The following C2orf92 variants were observed in gnomAD, a reference collection of about 807,000 sequenced individuals.
The protein encoded by C2orf92 is chromosome 2 open reading frame 92.
chr2:97,666,461 C>G (rs1459958028), upstream of C2orf92, among the ~76,000 whole-genome samples: 1 of 144,098 alleles, frequency 6.9e-6, no homozygotes, highest in East Asian at 2.0e-4. Context: ...CGCTTGAACC[C>G]AGGAGGCGGA....
At chr2:97,684,324 C>G (rs1363910560) in intron 3 of C2orf92, among the ~76,000 whole-genome samples, 1 of 152,098 alleles carries the variant, frequency 6.6e-6, no homozygotes, top group Non-Finnish European at 1.5e-5. Flanking sequence ...CATGAGCCAC[C>G]GTGCCCGGCC....
chr2:97,665,890 G>GCCTCA (rs1675217032), upstream of C2orf92: 1 of 151,436 alleles, frequency 6.6e-6, no homozygotes, highest in African/African-American at 2.4e-5. Context: ...CTATCCTCCT[G>GCCTCA]CCTCAGCCTT....
intron 3 of C2orf92, among the ~76,000 whole-genome samples, chr2:97,679,056 T>G (rs953853309): frequency 1.3e-5 from 2 of 149,888 alleles, no homozygotes. Context: ...CTTTCCAGAA[T>G]AAAAGAGAAA....
At chr2:97,692,407 CTT>C (rs755849117) in intron 5 of C2orf92, among the ~76,000 whole-genome samples, 10 of 119,346 alleles carry the variant, frequency 8.4e-5, no homozygotes, top group African/African-American at 2.3e-4. Flanking sequence ...AGTTTTACTT[CTT>C]TTTTTTTTTT....
chr2:97,699,496 G>T (rs1341807126), intron 6 of C2orf92, among the ~76,000 whole-genome samples: 1 of 152,110 alleles, frequency 6.6e-6, no homozygotes, highest in African/African-American at 2.4e-5. Context: ...CAGCTACTCG[G>T]GAGGCTGAGG....
rs1233638372 is a variant in C2orf92 at position 97,688,936 on chromosome 2, C to G, written c.274C>G (p.Pro92Ala). 2.5e-6 allele frequency: 1 copy of G among 398,382 alleles called. No homozygotes were observed. The allele number at this position is 398,382 out of a possible 1,614,324, so 24.7% of individuals were successfully genotyped here. Residue 92 changes from proline (P) to alanine (A), a missense_variant, in exon 4 of 8, where the codon CCA (proline) becomes GCA (alanine). Coordinates refer to ENST00000627399, the MANE Select transcript of C2orf92 (RefSeq NM_001351368.2). The stretch of plus-strand genomic sequence containing the variant: ...GGTGTTTCCAAAGTTTCCGTATGAC[C>G]CATCATTTAACGAAGCAACAGCAGT... ...LQVFPKFPYD[P>A]SFNEATAVRS...
At chr2:97,684,236 C>T (rs1051726434) in intron 3 of C2orf92, among the ~76,000 whole-genome samples, 1 of 152,038 alleles carries the variant, frequency 6.6e-6, no homozygotes, top group African/African-American at 2.4e-5. Context: ...GGGGTTTCAC[C>T]ATGGTAGCCA....
At chr2:97,665,541 A>G (rs1675177348), upstream of C2orf92, among the ~76,000 whole-genome samples, 1 of 152,020 alleles carries the variant, frequency 6.6e-6, no homozygotes, top group Admixed American at 6.6e-5. Context: ...CACCCTCTTT[A>G]TATTAAACTC....
At chr2:97,691,465 T>C (rs896601204) in intron 5 of C2orf92, among the ~76,000 whole-genome samples, 1 of 152,194 alleles carries the variant, frequency 6.6e-6, no homozygotes, top group Non-Finnish European at 1.5e-5. Flanking sequence ...CAGAGGCTCA[T>C]CTGAGCTATC....
chr2:97,689,664 T>A (rs1676065794), intron 4 of C2orf92, among the ~76,000 whole-genome samples: 2 of 152,142 alleles, frequency 1.3e-5, no homozygotes, highest in Non-Finnish European at 2.9e-5. Context: ...TGCAGACAGA[T>A]GTTTGCACCC....
At chr2:97,668,031 CT>C (rs1675293916), upstream of C2orf92, 1 of 152,156 alleles carries the variant, frequency 6.6e-6, no homozygotes, top group South Asian at 2.1e-4. Flanking sequence ...CAGGTTTCCT[CT>C]TTGCAAAGGC....
chr2:97,694,043 T>C (rs1309720721), intron 5 of C2orf92, among the ~76,000 whole-genome samples: 3 of 152,118 alleles, frequency 2.0e-5, no homozygotes, highest in Non-Finnish European at 4.4e-5. Flanking sequence ...ACCAAAACTC[T>C]ATACTCATTA....
At chr2:97,698,109 G>A (rs1573229417) in intron 5 of C2orf92, 1 of 152,190 alleles carries the variant, frequency 6.6e-6, no homozygotes, top group Admixed American at 6.6e-5. Flanking sequence ...TCCGGGGTGT[G>A]AGATTCATTA....
chr2:97,683,432 G>A (rs893935392), intron 3 of C2orf92, among the ~76,000 whole-genome samples: 1 of 151,834 alleles, frequency 6.6e-6, no homozygotes, highest in African/African-American at 2.4e-5. Context: ...CTGGCATGAT[G>A]GCTCACACCT....
chr2:97,666,353 C>T (rs939239647), upstream of C2orf92, among the ~76,000 whole-genome samples: 10 of 151,734 alleles, frequency 6.6e-5, no homozygotes, highest in Non-Finnish European at 1.2e-4. Flanking sequence ...CTGGCTAACA[C>T]GGTGAAACCC....
chr2:97,675,824 C>T, intron 2 of C2orf92, 21 bp from the exon 3 acceptor site: 1 of 399,082 alleles, frequency 2.5e-6, no homozygotes, highest in Non-Finnish European at 4.4e-6. Flanking sequence ...TTAATCACAG[C>T]CATGGTTTAT....
chr2:97,669,496 A>T (rs77127720), upstream of C2orf92: 1,751 of 298,368 alleles, frequency 5.9e-3, 54 homozygotes, highest in East Asian at 0.066. Flanking sequence ...TTGTGACTTC[A>T]GAGTCCTGGT....
At chr2:97,676,258 C>A (rs1186926231) in intron 3 of C2orf92, among the ~76,000 whole-genome samples, 2 of 151,584 alleles carry the variant, frequency 1.3e-5, no homozygotes, top group African/African-American at 4.9e-5. Flanking sequence ...ATGGTGAAAC[C>A]CTATCTCTAC....
At position 97,674,558 on chromosome 2, in the gene C2orf92, G is replaced by A. The variant is rs1675514829; in HGVS notation, c.148+1G>A. On this transcript the variant is annotated splice_donor_variant, in intron 2 of 7. Coordinates refer to ENST00000627399, the MANE Select transcript of C2orf92 (RefSeq NM_001351368.2). LOFTEE classifies it high-confidence loss of function. ...ATTACAAAGAGAGACACACAAAAAAGCAAGTATATGTCGTTAACCTGACAT... is the reference window on the plus strand; with the variant it reads ...ATTACAAAGAGAGACACACAAAAAAACAAGTATATGTCGTTAACCTGACAT... 1 of 398,484 alleles carries A rather than the reference G, an allele frequency of 2.5e-6. No individual in the cohort carries two copies. The highest frequency in any genetic ancestry group is 4.4e-6 in the Non-Finnish European group (1 of 226,066). 24.7% of individuals were successfully genotyped at this position (398,484 alleles called of 1,614,324 possible). A position where few individuals can be genotyped will look rare whatever the true frequency, so the allele number is the denominator to read the frequency against.
Sources: allele counts gnomAD v4.1 joint callset (sites outside exome capture counted in the v4.1 genomes callset), GRCh38; gene constraint gnomAD v4.1.1; transcripts MANE v1.5; gene names NCBI Gene and HGNC (gene_info 2026-07-23, HGNC 2026-07-21).